The following LRRC69 variants were observed in gnomAD, a reference collection of about 807,000 sequenced individuals.
LRRC69 encodes the protein leucine-rich repeat-containing protein 69.
Under a neutral mutation model 37.8 loss-of-function variants are expected in LRRC69, and 42 were observed. That is an observed-to-expected ratio of 1.11 (90% confidence interval 0.87 to 1.44). The LOEUF is 1.44. Among genes scored for constraint, LRRC69 ranks in the 40% most tolerant of loss-of-function variants. The pLI, the probability that LRRC69 is intolerant of heterozygous loss-of-function variation, is 0.00. For synonymous variants in LRRC69, 141 were observed against 143.1 expected (o/e 0.99, Z 0.11); for missense variants, 357 against 401.9 (o/e 0.89, Z 0.96).
At chr8:91,210,578 C>G (rs1254501176) in intron 7 of LRRC69, among the ~76,000 whole-genome samples, 1 of 144,666 alleles carries the variant, frequency 6.9e-6, no homozygotes, top group East Asian at 1.9e-4. Context: ...CACACACACA[C>G]ACACACACAC....
intron 5 of LRRC69, chr8:91,138,622 C>T (rs541539056): frequency 4.8e-4 from 72 of 149,240 alleles, no homozygotes; most frequent in African/African-American, 7.2e-4. Context: ...CTTTTGTATA[C>T]GAATATACAT....
intron 5 of LRRC69, among the ~76,000 whole-genome samples, chr8:91,172,611 G>A (rs1809152493): frequency 6.6e-6 from 1 of 151,934 alleles, no homozygotes; most frequent in Non-Finnish European, 1.5e-5. Context: ...CACCTCCTGG[G>A]TTCAAGCAAT....
At chr8:91,124,434 C>A in intron 1 of LRRC69, 59 bp from the exon 2 acceptor site, 3 of 1,359,630 alleles carry the variant, frequency 2.2e-6, no homozygotes, top group Non-Finnish European at 1.9e-6. Flanking sequence ...TAAATTATTT[C>A]TTTTTTTCAT....
chr8:91,180,744 G>A (rs1242048870), intron 5 of LRRC69, among the ~76,000 whole-genome samples: 1 of 152,116 alleles, frequency 6.6e-6, no homozygotes, highest in Non-Finnish European at 1.5e-5. Flanking sequence ...GAATGCACAG[G>A]GTAGTTTAGA....
At chr8:91,114,653 G>A (rs1813476323) in intron 1 of LRRC69, among the ~76,000 whole-genome samples, 1 of 151,944 alleles carries the variant, frequency 6.6e-6, no homozygotes, top group South Asian at 2.1e-4. Flanking sequence ...ACAGTAACAT[G>A]CTGTATTGCA....
At chr8:91,194,765 T>C (rs1463123589) in intron 6 of LRRC69, among the ~76,000 whole-genome samples, 2 of 152,188 alleles carry the variant, frequency 1.3e-5, no homozygotes, top group Non-Finnish European at 2.9e-5. Flanking sequence ...TAGTGGTCTA[T>C]CTATTTTGTT....
intron 7 of LRRC69, among the ~76,000 whole-genome samples, chr8:91,211,991 T>G (rs1809935839): frequency 2.0e-5 from 3 of 152,142 alleles, no homozygotes; most frequent in Non-Finnish European, 4.4e-5. Context: ...CAAAACAATT[T>G]TATTCAGTCT....
intron 5 of LRRC69, among the ~76,000 whole-genome samples, chr8:91,143,016 C>T (rs1808556128): frequency 6.6e-6 from 1 of 152,002 alleles, no homozygotes; most frequent in African/African-American, 2.4e-5. Flanking sequence ...CAAGGAATGC[C>T]TATATAGTTG....
At chr8:91,174,130 A>G (rs1038484205) in intron 5 of LRRC69, among the ~76,000 whole-genome samples, 1 of 95,536 alleles carries the variant, frequency 1.0e-5, no homozygotes, top group Non-Finnish European at 2.4e-5. Context: ...TATTACTTCT[A>G]TTTATAAGAT....
intron 5 of LRRC69, chr8:91,157,417 A>C (rs764019450): frequency 6.2e-7 from 1 of 1,607,952 alleles, no homozygotes; most frequent in Non-Finnish European, 8.5e-7. Flanking sequence ...TGTGGATCCC[A>C]CTAAAGATAT....
At chr8:91,197,716 C>G (rs1412978182) in intron 6 of LRRC69, among the ~76,000 whole-genome samples, 1 of 152,004 alleles carries the variant, frequency 6.6e-6, no homozygotes, top group African/African-American at 2.4e-5. Context: ...GCACGGTGCG[C>G]GCACCCACTG....
chr8:91,183,514 C>T (rs139042175), intron 5 of LRRC69, among the ~76,000 whole-genome samples: 5 of 152,000 alleles, frequency 3.3e-5, no homozygotes, highest in Non-Finnish European at 5.9e-5. Context: ...ATCTTGGAAA[C>T]AGTGAGTTTG....
chr8:91,105,658 T>TC (rs1813299262), intron 1 of LRRC69, among the ~76,000 whole-genome samples: 1 of 48,064 alleles, frequency 2.1e-5, no homozygotes, highest in African/African-American at 1.2e-4. Flanking sequence ...TGATTCTGTC[T>TC]CAAAAAAAAA....
intron 6 of LRRC69, among the ~76,000 whole-genome samples, chr8:91,192,160 A>C (rs1809508916): frequency 6.6e-6 from 1 of 151,862 alleles, no homozygotes. Context: ...CCATGTCCCT[A>C]CAAAGGACAT....
At chr8:91,148,906 G>C (rs1464190898) in intron 5 of LRRC69, among the ~76,000 whole-genome samples, 17 of 151,540 alleles carry the variant, frequency 1.1e-4, no homozygotes, top group African/African-American at 3.9e-4. Flanking sequence ...TGTTCATATC[G>C]TTCACCCACT....
rs140460686 is a variant in LRRC69 at position 91,187,437 on chromosome 8, C to G, written c.652-2085C>G. The stretch of plus-strand genomic sequence containing the variant: ...CCTGCCCTTTAATATTTAGTACACA[C>G]AACATGCTCATTCTTTTACTTTCTG... On this transcript the variant is annotated intron_variant, in intron 5 of 7. Coordinates refer to ENST00000448384, the Ensembl canonical transcript of LRRC69. Among the ~76,000 whole-genome samples the G allele has an allele frequency of 3.0e-3, 459 of 152,282 alleles. 2 individuals carry two copies. The highest frequency in any genetic ancestry group is 2.5e-3 in the Non-Finnish European group (169 of 68,032).
chr8:91,191,426 T>G (rs1043540756), intron 6 of LRRC69, among the ~76,000 whole-genome samples: 1 of 152,184 alleles, frequency 6.6e-6, no homozygotes, highest in African/African-American at 2.4e-5. Context: ...TCTAAGCACT[T>G]AACAGGAATA....
At position 91,147,102 on chromosome 8, in the gene LRRC69, T is replaced by C. The variant is rs117347409; in HGVS notation, c.651+11363T>C. Among the ~76,000 whole-genome samples the C allele has an allele frequency of 2.0e-3, 296 of 151,580 alleles. 1 individual carries two copies. The highest frequency in any genetic ancestry group is 3.3e-3 in the Non-Finnish European group (222 of 67,884). ...AAATATATCTTTATCAAGTAGATTT[T>C]AGAGTCTATAAGAATCAGCAATATG... On this transcript the variant is annotated intron_variant, in intron 5 of 7. Transcript: ENST00000448384.
intron 1 of LRRC69, among the ~76,000 whole-genome samples, chr8:91,104,184 C>A (rs1210473402): frequency 1.3e-5 from 2 of 151,940 alleles, no homozygotes; most frequent in Non-Finnish European, 2.9e-5. Context: ...TGTTACTACA[C>A]CTTTATTTCT....
Sources: gnomAD v4.1 joint callset for allele counts (sites outside exome capture counted in the v4.1 genomes callset) on GRCh38, gnomAD v4.1.1 for gene constraint, MANE v1.5 for transcripts, NCBI Gene and HGNC (gene_info 2026-07-23, HGNC 2026-07-21) for gene names.